FOCAD: variants seen among roughly 807,000 people sequenced by gnomAD.
FOCAD encodes the protein focadhesin.
A neutral mutation model predicts 225.6 loss-of-function variants in FOCAD; 198 were observed. The ratio of observed to expected loss-of-function variants is 0.88; its 90% CI spans 0.78 to 0.99. The LOEUF is 0.99. FOCAD is among the 50% of genes least tolerant of loss of function. The probability of loss-of-function intolerance (pLI) is 0.00; values close to 1 mark genes in which losing one functional copy is unlikely to be tolerated. For synonymous variants in FOCAD, 897 were observed against 755.0 expected (o/e 1.19, Z -3.08); for missense variants, 2,713 against 2,123.6 (o/e 1.28, Z -5.46).
chr9:20,986,266 A>ATCTTTTTTTTTTTTTTTTTT, intron 39 of FOCAD, 22 bp from the exon 40 acceptor site: 1 of 705,686 alleles, frequency 1.4e-6, no homozygotes, highest in Non-Finnish European at 1.8e-6. Context: ...TAACTAAACA[A>ATCTTTTTTTTTTTTTTTTTT]TTTTTTTTTT....
intron 31 of FOCAD, 98 bp downstream of exon 31, chr9:20,948,491 A>G: frequency 7.6e-7 from 1 of 1,308,530 alleles, no homozygotes; most frequent in Non-Finnish European, 1.0e-6. Context: ...ATATACGTTA[A>G]TGGTAAAAGA....
chr9:20,761,795 A>G (rs1036237803), intron 6 of FOCAD, among the ~76,000 whole-genome samples: 1 of 152,158 alleles, frequency 6.6e-6, no homozygotes, highest in African/African-American at 2.4e-5. Context: ...ACTTAAATAT[A>G]AAAGACTTGT....
intron 39 of FOCAD, among the ~76,000 whole-genome samples, chr9:20,983,092 G>A (rs1840845645): frequency 6.6e-6 from 1 of 152,158 alleles, no homozygotes; most frequent in South Asian, 2.1e-4. Flanking sequence ...ATATGGCAGT[G>A]GTTCTCAGAA....
At chr9:20,908,417 A>C (rs140525599) in intron 22 of FOCAD, among the ~76,000 whole-genome samples, 3 of 152,218 alleles carry the variant, frequency 2.0e-5, no homozygotes, top group Non-Finnish European at 4.4e-5. Flanking sequence ...AGAACTCGTA[A>C]AACACTAATG....
chr9:20,717,762 G>C (rs776640441), intron 2 of FOCAD, 32 bp from the exon 3 acceptor site: 1 of 1,531,414 alleles, frequency 6.5e-7, no homozygotes, highest in Non-Finnish European at 9.0e-7. Context: ...ACTTCTAAGG[G>C]ACTGTGTTCA....
chr9:20,929,527 A>G lies in FOCAD; in HGVS notation c.3248A>G (p.Gln1083Arg), dbSNP rs1835272320. The G allele has an allele frequency of 1.9e-6, 3 of 1,614,010 alleles. No homozygotes were observed. Among genetic ancestry groups the G allele is most frequent in the Admixed American group, 1.7e-5 (1 of 59,996 alleles). ...GGGAAACCAAGTGCTGATGAGTCTCAAGCCGTGCAAATCCACATGGGCCTT... is the reference window on the plus strand; with the variant it reads ...GGGAAACCAAGTGCTGATGAGTCTCGAGCCGTGCAAATCCACATGGGCCTT... ...LPGKPSADES[Q>R]AVQIHMGLAL... Residue 1083 changes from glutamine to arginine, a missense_variant, in exon 27 of 44, where the codon CAA (glutamine) becomes CGA (arginine). Gln to Arg is a conservative substitution (Grantham distance 43). Coordinates refer to ENST00000338382, the MANE Select transcript of FOCAD (RefSeq NM_001375567.1).
intron 23 of FOCAD, 99 bp downstream of exon 23, chr9:20,913,053 C>G: frequency 1.1e-6 from 1 of 900,232 alleles, no homozygotes; most frequent in Non-Finnish European, 1.7e-6. Context: ...CAGGTTTAAC[C>G]TCTATATGTG....
intron 15 of FOCAD, among the ~76,000 whole-genome samples, chr9:20,857,460 T>C (rs909307136): frequency 6.6e-5 from 10 of 152,036 alleles, no homozygotes; most frequent in African/African-American, 2.4e-4. Context: ...TCTGTGACTT[T>C]CCTGAGTTTA....
chr9:20,906,327 C>G (rs1469113552), intron 21 of FOCAD, among the ~76,000 whole-genome samples: 1 of 151,900 alleles, frequency 6.6e-6, no homozygotes, highest in East Asian at 1.9e-4. Flanking sequence ...CTCTCACTCT[C>G]TCTCTTTTTT....
chr9:20,721,735 T>A (rs1039310112), intron 4 of FOCAD, among the ~76,000 whole-genome samples: 1 of 152,108 alleles, frequency 6.6e-6, no homozygotes, highest in Non-Finnish European at 1.5e-5. Context: ...GAAAGATTCC[T>A]GGGCTTGAAG....
chr9:20,932,630 A>G (rs1835589616), intron 27 of FOCAD, among the ~76,000 whole-genome samples: 1 of 152,258 alleles, frequency 6.6e-6, no homozygotes, highest in South Asian at 2.1e-4. Flanking sequence ...ATGATTATTG[A>G]TAATGTCAGG....
At chr9:20,685,572 G>T (rs890949139) in intron 1 of FOCAD, among the ~76,000 whole-genome samples, 1 of 152,128 alleles carries the variant, frequency 6.6e-6, no homozygotes, top group East Asian at 1.9e-4. Context: ...TTGAAATGAA[G>T]TAATCATGAG....
chr9:20,926,997 T>C (rs1835017817), intron 26 of FOCAD, among the ~76,000 whole-genome samples: 1 of 141,692 alleles, frequency 7.1e-6, no homozygotes, highest in Admixed American at 7.3e-5. Flanking sequence ...TATGCATATA[T>C]AATGTGAAAT....
At chr9:20,930,638 T>C (rs1204037654) in intron 27 of FOCAD, among the ~76,000 whole-genome samples, 1 of 152,354 alleles carries the variant, frequency 6.6e-6, no homozygotes, top group Non-Finnish European at 1.5e-5. Context: ...TGTGAATTGC[T>C]ATTGATTTTG....
intron 28 of FOCAD, among the ~76,000 whole-genome samples, chr9:20,942,175 T>C (rs941159927): frequency 3.3e-5 from 5 of 152,214 alleles, no homozygotes; most frequent in African/African-American, 1.2e-4. Flanking sequence ...GCTGTAGCAA[T>C]GAATAGAATC....
chr9:20,964,849 G>A (rs1839116307), intron 35 of FOCAD, among the ~76,000 whole-genome samples: 1 of 152,142 alleles, frequency 6.6e-6, no homozygotes, highest in African/African-American at 2.4e-5. Context: ...CAAAGTGAAA[G>A]AGTGTTTGTT....
intron 15 of FOCAD, among the ~76,000 whole-genome samples, chr9:20,845,056 G>C (rs1246955304): frequency 6.6e-6 from 1 of 152,058 alleles, no homozygotes; most frequent in Non-Finnish European, 1.5e-5. Context: ...AGAGGGCAGA[G>C]TTTATTATGA....
intron 28 of FOCAD, among the ~76,000 whole-genome samples, chr9:20,940,956 C>CTT (rs1021210000): frequency 6.7e-6 from 1 of 149,662 alleles, no homozygotes; most frequent in East Asian, 1.9e-4. Flanking sequence ...GTCACCCACA[C>CTT]TTTTTTTTTT....
chr9:20,656,435 G>A (rs924400004), upstream of FOCAD, among the ~76,000 whole-genome samples: 7 of 152,114 alleles, frequency 4.6e-5, no homozygotes, highest in Admixed American at 1.3e-4. Flanking sequence ...GGTCACTCAG[G>A]ACTTGCTTTA....
Sources: allele counts gnomAD v4.1 joint callset (sites outside exome capture counted in the v4.1 genomes callset), GRCh38; gene constraint gnomAD v4.1.1; transcripts MANE v1.5; gene names NCBI Gene and HGNC (gene_info 2026-07-23, HGNC 2026-07-21).